Variants in CSMD1 observed in about 807,000 individuals in gnomAD.
CSMD1 encodes the protein CUB and sushi domain-containing protein 1.
Under a neutral mutation model 417.5 loss-of-function variants are expected in CSMD1, and 213 were observed. The ratio of observed to expected loss-of-function variants is 0.51; its 90% CI spans 0.46 to 0.57. The LOEUF is 0.57. Among genes scored for constraint, CSMD1 ranks in the 20% least tolerant of loss-of-function variants. The pLI is 0.00. For synonymous variants in CSMD1, 2,862 were observed against 1,736.8 expected (o/e 1.65, Z -16.11); for missense variants, 6,923 against 4,529.7 (o/e 1.53, Z -15.17).
chr8:3,302,633 T>C (rs985592075), intron 25 of CSMD1, among the ~76,000 whole-genome samples: 1 of 152,208 alleles, frequency 6.6e-6, no homozygotes, highest in Non-Finnish European at 1.5e-5. Context: ...TGTCTGAGAA[T>C]GCACTGAATA....
At chr8:3,557,986 C>T (rs1182316093) in intron 10 of CSMD1, among the ~76,000 whole-genome samples, 1 of 152,112 alleles carries the variant, frequency 6.6e-6, no homozygotes, top group Non-Finnish European at 1.5e-5. Flanking sequence ...TGAATGGTGC[C>T]TCAGTGGTAC....
intron 3 of CSMD1, among the ~76,000 whole-genome samples, chr8:4,372,401 A>G (rs1802448066): frequency 6.6e-6 from 1 of 152,092 alleles, no homozygotes; most frequent in African/African-American, 2.4e-5. Context: ...AAAGGTAATC[A>G]TTTCATCTGT....
intron 5 of CSMD1, 96 bp from the exon 6 acceptor site, chr8:3,754,138 T>C (rs546809094): frequency 1.6e-5 from 11 of 709,476 alleles, no homozygotes; most frequent in Non-Finnish European, 2.7e-5. Context: ...CTTAAATCCT[T>C]CATCTTGAGA....
intron 2 of CSMD1, among the ~76,000 whole-genome samples, chr8:4,608,566 T>A (rs1308619063): frequency 6.6e-6 from 1 of 152,216 alleles, no homozygotes; most frequent in East Asian, 1.9e-4. Flanking sequence ...TTCTGCTCCA[T>A]CGTCAAGATA....
chr8:2,975,238 A>C (rs986951359), intron 55 of CSMD1, among the ~76,000 whole-genome samples: 4 of 152,236 alleles, frequency 2.6e-5, no homozygotes, highest in African/African-American at 4.8e-5. Flanking sequence ...CCTTAAAATT[A>C]TACCAAATCA....
At chr8:3,049,486 G>T (rs942036393) in intron 50 of CSMD1, among the ~76,000 whole-genome samples, 4 of 152,114 alleles carry the variant, frequency 2.6e-5, no homozygotes, top group South Asian at 2.1e-4. Flanking sequence ...AATCTGAAAG[G>T]CTAGGTGCCA....
At chr8:4,598,478 T>G (rs1004270118) in intron 2 of CSMD1, among the ~76,000 whole-genome samples, 1 of 152,212 alleles carries the variant, frequency 6.6e-6, no homozygotes, top group Non-Finnish European at 1.5e-5. Flanking sequence ...TGGTGGCTGA[T>G]GGATGACCAC....
intron 3 of CSMD1, among the ~76,000 whole-genome samples, chr8:4,249,074 A>G (rs1802889364): frequency 6.6e-6 from 1 of 152,184 alleles, no homozygotes. Flanking sequence ...CCTTGCTGTT[A>G]GGCACTCATG....
At chr8:4,152,277 C>T (rs183914170) in intron 3 of CSMD1, among the ~76,000 whole-genome samples, 13 of 152,214 alleles carry the variant, frequency 8.5e-5, no homozygotes, top group Admixed American at 3.9e-4. Flanking sequence ...TATAGAAATA[C>T]GATGGTTAAA....
At chr8:3,853,272 G>C (rs192012184) in intron 5 of CSMD1, among the ~76,000 whole-genome samples, 1 of 152,250 alleles carries the variant, frequency 6.6e-6, no homozygotes, top group African/African-American at 2.4e-5. Context: ...AAAGCTGTGA[G>C]TTTTCTTTGT....
At chr8:3,117,186 T>G (rs1351421513) in intron 42 of CSMD1, among the ~76,000 whole-genome samples, 3 of 152,124 alleles carry the variant, frequency 2.0e-5, no homozygotes, top group Non-Finnish European at 2.9e-5. Flanking sequence ...TTCTCCCACC[T>G]CAGCCTCTGG....
At chr8:3,115,284 C>T (rs190483792) in intron 42 of CSMD1, among the ~76,000 whole-genome samples, 5 of 148,010 alleles carry the variant, frequency 3.4e-5, no homozygotes, top group African/African-American at 1.2e-4. Flanking sequence ...TCACTGCAAC[C>T]TCCGCCTTCT....
intron 10 of CSMD1, among the ~76,000 whole-genome samples, chr8:3,506,075 C>T (rs1199519773): frequency 2.0e-5 from 3 of 152,054 alleles, no homozygotes; most frequent in South Asian, 2.1e-4. Context: ...GGGGTTGAGC[C>T]CTGGGGCTGT....
intron 3 of CSMD1, among the ~76,000 whole-genome samples, chr8:4,112,301 C>T (rs1036841107): frequency 1.3e-5 from 2 of 152,190 alleles, no homozygotes; most frequent in Non-Finnish European, 2.9e-5. Context: ...TGCTCCCGCA[C>T]ATTTACACAG....
chr8:4,643,560 T>C (rs146626209), intron 1 of CSMD1, among the ~76,000 whole-genome samples: 3 of 152,242 alleles, frequency 2.0e-5, no homozygotes, highest in South Asian at 2.1e-4. Context: ...AAATGGTCCA[T>C]TGCGATTTTC....
chr8:2,963,214 G>C lies in CSMD1; in HGVS notation c.9454+8C>G. 1 of 1,613,646 alleles carries C rather than the reference G, an allele frequency of 6.2e-7. No homozygotes were observed. Among genetic ancestry groups the C allele is most frequent in the Non-Finnish European group, 8.5e-7 (1 of 1,179,650 alleles). ...AGTGGGCGGAACAAATTCTGCTGTA[G>C]AACTTACGGAGACACTGGGGGATCT... On this transcript the variant is annotated splice_region_variant and intron_variant, in intron 60 of 69. Transcript: ENST00000635120.
chr8:3,988,406 T>C (rs1440538076), intron 5 of CSMD1, among the ~76,000 whole-genome samples: 1 of 152,220 alleles, frequency 6.6e-6, no homozygotes, highest in Non-Finnish European at 1.5e-5. Flanking sequence ...TAATTAGTTA[T>C]GGTTTTAGGT....
At chr8:3,742,211 T>C (rs936119615) in intron 6 of CSMD1, among the ~76,000 whole-genome samples, 5 of 152,152 alleles carry the variant, frequency 3.3e-5, no homozygotes, top group African/African-American at 1.2e-4. Flanking sequence ...ATCATTCCAA[T>C]CTGGATGTTC....
intron 18 of CSMD1, among the ~76,000 whole-genome samples, chr8:3,385,094 ATATATATATAAATAAAAAT>A (rs1450599187): frequency 2.4e-5 from 2 of 83,342 alleles, no homozygotes; most frequent in Non-Finnish European, 3.8e-5. Flanking sequence ...TATATATAAA[ATATATATATAAATAAAAAT>A]ATATATAATA....
Sources: allele counts gnomAD v4.1 joint callset (sites outside exome capture counted in the v4.1 genomes callset), GRCh38; gene constraint gnomAD v4.1.1; transcripts MANE v1.5; gene names NCBI Gene and HGNC (gene_info 2026-07-23, HGNC 2026-07-21).